The following ZFPM2 variants were observed in gnomAD, a reference collection of about 807,000 sequenced individuals.
ZFPM2 encodes zinc finger protein, FOG family member 2.
ZFPM2 carries 20 observed loss-of-function variants against 98.6 expected under a neutral mutation model. The observed-to-expected ratio is 0.20, with a 90% CI of 0.14 to 0.29. The LOEUF (loss-of-function observed/expected upper bound fraction) is 0.29. ZFPM2 is among the 10% of genes least tolerant of loss of function. The probability of loss-of-function intolerance (pLI) is 1.00; values close to 1 mark genes in which losing one functional copy is unlikely to be tolerated. For synonymous variants in ZFPM2, 518 were observed against 502.7 expected, an observed-to-expected ratio of 1.03 and a Z score of -0.41; for missense variants, 1,310 against 1,388.6, an observed-to-expected ratio of 0.94 and a Z score of 0.90.
chr8:105,623,675 T>C (rs1182072375), intron 4 of ZFPM2, among the ~76,000 whole-genome samples: 1 of 152,156 alleles, frequency 6.6e-6, no homozygotes, highest in Non-Finnish European at 1.5e-5. Flanking sequence ...TGCAGGGTAG[T>C]GTTTTCTCTC....
rs151091431 is a variant in ZFPM2 at position 105,519,005 on chromosome 8, A to C, written c.302-42358A>C. ...GACAAAAATAATAAATATAGCCAAC[A>C]TATATTTGGTGCTTCCTATGTATCA... is the stretch of plus-strand genomic sequence containing the variant. On this transcript the variant is annotated intron_variant, in intron 3 of 7. Transcript: ENST00000407775. 3.2e-3 allele frequency among the ~76,000 whole-genome samples: 493 copies of C among 152,312 alleles called. 2 individuals carry two copies. The highest frequency in any genetic ancestry group is 0.011 in the African/African-American group (459 of 41,576).
At chr8:105,754,556 G>A (rs1178992138) in intron 5 of ZFPM2, among the ~76,000 whole-genome samples, 1 of 152,018 alleles carries the variant, frequency 6.6e-6, no homozygotes, top group African/African-American at 2.4e-5. Flanking sequence ...TTTGTCTAGG[G>A]CCCCTGATCT....
At chr8:105,728,625 G>C (rs1811865934) in intron 5 of ZFPM2, among the ~76,000 whole-genome samples, 2 of 151,846 alleles carry the variant, frequency 1.3e-5, no homozygotes, top group South Asian at 4.2e-4. Flanking sequence ...GGAGACACAG[G>C]AAAGGCATAT....
intron 3 of ZFPM2, among the ~76,000 whole-genome samples, chr8:105,542,719 G>T (rs1814605898): frequency 6.6e-6 from 1 of 152,132 alleles, no homozygotes; most frequent in Non-Finnish European, 1.5e-5. Context: ...GATAATTATT[G>T]AGATAATTAT....
intron 5 of ZFPM2, among the ~76,000 whole-genome samples, chr8:105,694,465 C>T (rs1234059603): frequency 6.6e-6 from 1 of 152,024 alleles, no homozygotes; most frequent in Non-Finnish European, 1.5e-5. Flanking sequence ...ATAAAAATAT[C>T]GAGCAAGTTA....
At chr8:105,343,071 C>T (rs1047208689) in intron 1 of ZFPM2, among the ~76,000 whole-genome samples, 1 of 152,046 alleles carries the variant, frequency 6.6e-6, no homozygotes, top group African/African-American at 2.4e-5. Flanking sequence ...TTAACAAGAT[C>T]AGGTTGCAAA....
intron 3 of ZFPM2, among the ~76,000 whole-genome samples, chr8:105,480,984 A>T (rs372846693): frequency 1.1e-3 from 171 of 152,146 alleles, no homozygotes; most frequent in African/African-American, 3.9e-3. Context: ...ACTCCTGACC[A>T]CGTGATCCAC....
chr8:105,547,034 A>G (rs1176323073), intron 3 of ZFPM2, among the ~76,000 whole-genome samples: 2 of 152,134 alleles, frequency 1.3e-5, no homozygotes, highest in East Asian at 1.9e-4. Flanking sequence ...ACATTCATGT[A>G]TCTGGTGGAG....
intron 1 of ZFPM2, among the ~76,000 whole-genome samples, chr8:105,323,636 G>C (rs12676367): frequency 4.6e-5 from 7 of 151,664 alleles, no homozygotes; most frequent in Admixed American, 3.9e-4. Flanking sequence ...GAAAAATCTA[G>C]GAATAATTAT....
intron 3 of ZFPM2, among the ~76,000 whole-genome samples, chr8:105,556,993 G>A (rs113717910): frequency 1.9e-4 from 29 of 152,218 alleles, no homozygotes; most frequent in African/African-American, 6.3e-4. Context: ...CAAAGTGCTA[G>A]TATTACAGGC....
At chr8:105,510,223 T>A (rs75190263) in intron 3 of ZFPM2, among the ~76,000 whole-genome samples, 1 of 152,280 alleles carries the variant, frequency 6.6e-6, no homozygotes, top group Non-Finnish European at 1.5e-5. Flanking sequence ...TTCTGGAGAC[T>A]GTTAAAGAGC....
rs529238108 is a variant in ZFPM2 at position 105,585,227 on chromosome 8, G to A, written c.420+23746G>A. Among the ~76,000 whole-genome samples the A allele has an allele frequency of 2.6e-5, 4 of 152,256 alleles. No individual in the cohort carries two copies. In the South Asian group the frequency reaches 8.3e-4, roughly 32 times the overall value. On this transcript the variant is annotated intron_variant, in intron 4 of 7. Coordinates refer to ENST00000407775, the MANE Select transcript of ZFPM2 (RefSeq NM_012082.4). ...TCCACACTAGGTACTATGAATATAA[G>A]GTTTCTCTAAGAAGGAGGCATAAAA...
intron 6 of ZFPM2, among the ~76,000 whole-genome samples, chr8:105,793,437 G>C (rs1187661898): frequency 6.6e-6 from 1 of 152,176 alleles, no homozygotes; most frequent in African/African-American, 2.4e-5. Context: ...GGCTTGTAGA[G>C]TTTCTGCCGA....
chr8:105,689,051 T>A (rs912790451), intron 5 of ZFPM2, among the ~76,000 whole-genome samples: 23 of 152,194 alleles, frequency 1.5e-4, no homozygotes, highest in African/African-American at 5.1e-4. Context: ...CCACAGCCTT[T>A]GCATATGCTG....
chr8:105,321,022 T>A (rs1586289927), intron 1 of ZFPM2, among the ~76,000 whole-genome samples: 2 of 152,362 alleles, frequency 1.3e-5, no homozygotes, highest in South Asian at 2.1e-4. Flanking sequence ...AGTGATAATC[T>A]GTGCAAATGT....
chr8:105,370,586 G>A (rs1435154023), intron 1 of ZFPM2, among the ~76,000 whole-genome samples: 3 of 152,168 alleles, frequency 2.0e-5, no homozygotes, highest in African/African-American at 7.2e-5. Context: ...GAGAATAAAA[G>A]GGGCTATTAC....
intron 5 of ZFPM2, among the ~76,000 whole-genome samples, chr8:105,726,511 G>A (rs1323916243): frequency 6.6e-6 from 1 of 151,790 alleles, no homozygotes; most frequent in Non-Finnish European, 1.5e-5. Flanking sequence ...TACTCTGTTG[G>A]TATCTTCACC....
intron 1 of ZFPM2, among the ~76,000 whole-genome samples, chr8:105,343,089 G>A (rs1812459104): frequency 6.6e-6 from 1 of 152,096 alleles, no homozygotes; most frequent in African/African-American, 2.4e-5. Flanking sequence ...AAAGCTCTGT[G>A]TAGGCTGGAA....
At position 105,419,208 on chromosome 8, in the gene ZFPM2, C is replaced by T. The variant is rs1441590907; in HGVS notation, c.105C>T (p.Ile35=). 4.3e-6 allele frequency: 7 copies of T among 1,613,604 alleles called. No homozygotes were observed. Among genetic ancestry groups the T allele is most frequent in the African/African-American group, 1.3e-5 (1 of 74,926 alleles). The change falls in exon 2 of 8, where the codon ATC becomes ATT. Residue 35 remains isoleucine, a synonymous_variant. Coordinates refer to ENST00000407775, the MANE Select transcript of ZFPM2 (RefSeq NM_012082.4). ...EECPSEETDI[I]SKGDFPLEES... ...GTCCATCAGAGGAAACAGACATCAT[C>T]TCCAAAGGAGACTTTCCATTGGAGG...
Sources: allele counts gnomAD v4.1 joint callset (sites outside exome capture counted in the v4.1 genomes callset), GRCh38; gene constraint gnomAD v4.1.1; transcripts MANE v1.5; gene names NCBI Gene and HGNC (gene_info 2026-07-23, HGNC 2026-07-21).